EPB42: variants seen among roughly 807,000 people sequenced by gnomAD.
EPB42 encodes the protein erythrocyte membrane protein band 4.2.
Under a neutral mutation model 76.9 loss-of-function variants are expected in EPB42, and 49 were observed. That is an observed-to-expected ratio of 0.64 (90% CI 0.51 to 0.81). The LOEUF is 0.81. Among genes scored for constraint, EPB42 ranks in the 30% least tolerant of loss-of-function variants. The pLI, the probability that EPB42 is intolerant of heterozygous loss-of-function variation, is 0.00. For missense variants in EPB42, 731 were observed against 867.6 expected (o/e 0.84, Z 1.98); for synonymous variants, 310 against 338.4 (o/e 0.92, Z 0.92).
intron 12 of EPB42, 102 bp downstream of exon 12, chr15:43,201,742 G>T: frequency 6.5e-7 from 1 of 1,542,410 alleles, no homozygotes. Flanking sequence ...AGGGGTATCT[G>T]CTGTCTGCAT....
intron 1 of EPB42, among the ~76,000 whole-genome samples, chr15:43,219,272 T>TA (rs1430249003): frequency 6.6e-6 from 1 of 152,172 alleles, no homozygotes; most frequent in Non-Finnish European, 1.5e-5. Flanking sequence ...AACATAAAGG[T>TA]AAAAAGGAGT....
chr15:43,216,011 A>C (rs1298516439), intron 2 of EPB42, among the ~76,000 whole-genome samples: 1 of 152,216 alleles, frequency 6.6e-6, no homozygotes, highest in Non-Finnish European at 1.5e-5. Context: ...ATTTTCTACA[A>C]AGCTACTATT....
rs145043898 is a variant in EPB42 at position 43,203,199 on chromosome 15, G to A, written c.1695C>T (p.Thr565=). 14 of 1,613,942 alleles carry A rather than the reference G, an allele frequency of 8.7e-6. No individual in the cohort carries two copies. The highest frequency in any genetic ancestry group is 1.7e-5 in the Admixed American group (1 of 59,994). ...NPPENTFLRL[T]AMATHSESNL... is the part of the protein sequence containing the mutation. Reference sequence around the variant, plus strand: ...TGGATTCAGAGTGTGTTGCCATGGCGGTGAGTCTAAGGAAGGTGTTCTCGG... The same window carrying A: ...TGGATTCAGAGTGTGTTGCCATGGCAGTGAGTCTAAGGAAGGTGTTCTCGG... The change falls in exon 11 of 13, where the codon ACC becomes ACT. Residue 565 remains threonine, a synonymous_variant. Transcript: ENST00000441366.
At chr15:43,209,656 C>G (rs1435878134) in intron 5 of EPB42, 1 of 558,314 alleles carries the variant, frequency 1.8e-6, no homozygotes, top group Admixed American at 3.4e-5. Context: ...AGCCCAGGAC[C>G]CTCCTTCTTA....
chr15:43,210,836 C>T (rs557268446), intron 4 of EPB42, among the ~76,000 whole-genome samples: 14 of 152,310 alleles, frequency 9.2e-5, no homozygotes, highest in Non-Finnish European at 1.5e-4. Flanking sequence ...GAGGAGCCCA[C>T]GGTTTAGGAC....
intron 8 of EPB42, 151 bp from the exon 9 acceptor site, chr15:43,207,592 G>T: frequency 7.7e-7 from 1 of 1,304,828 alleles, no homozygotes; most frequent in Non-Finnish European, 1.1e-6. Context: ...TTCTGAGAGA[G>T]TCACAGAGGT....
At chr15:43,210,120 G>A (rs1010216933) in intron 5 of EPB42, among the ~76,000 whole-genome samples, 1 of 152,202 alleles carries the variant, frequency 6.6e-6, no homozygotes, top group Non-Finnish European at 1.5e-5. Flanking sequence ...TGCATCCTGA[G>A]GGATCACACA....
upstream of EPB42, among the ~76,000 whole-genome samples, chr15:43,221,418 T>C (rs2042459071): frequency 6.6e-6 from 1 of 152,204 alleles, no homozygotes. Flanking sequence ...AATTTGTTGG[T>C]GAAAAATAAA....
upstream of EPB42, among the ~76,000 whole-genome samples, chr15:43,225,446 G>A (rs1444889831): frequency 1.3e-5 from 2 of 152,184 alleles, no homozygotes; most frequent in African/African-American, 2.4e-5. Context: ...TTCTCCTTCT[G>A]GTTCTAGCAA....
At chr15:43,215,540 G>A (rs1292229354) in intron 2 of EPB42, among the ~76,000 whole-genome samples, 1 of 152,186 alleles carries the variant, frequency 6.6e-6, no homozygotes, top group Non-Finnish European at 1.5e-5. Context: ...TATAAAATGG[G>A]CATTGTAATA....
At chr15:43,216,700 CAGTA>C (rs1409225602) in intron 1 of EPB42, among the ~76,000 whole-genome samples, 1 of 152,206 alleles carries the variant, frequency 6.6e-6, no homozygotes, top group African/African-American at 2.4e-5. Flanking sequence ...GTCAGATACA[CAGTA>C]AGTCCCATTA....
At chr15:43,210,074 G>A (rs1212971577) in intron 5 of EPB42, among the ~76,000 whole-genome samples, 2 of 152,234 alleles carry the variant, frequency 1.3e-5, no homozygotes, top group Admixed American at 6.5e-5. Flanking sequence ...GGGACTGGGT[G>A]TGGGGAGGGA....
intron 1 of EPB42, 136 bp from the exon 2 acceptor site, chr15:43,216,589 A>G: frequency 1.1e-6 from 1 of 900,344 alleles, no homozygotes; most frequent in Non-Finnish European, 1.7e-6. Flanking sequence ...ATCCCAGGCA[A>G]GTAACTTAAC....
At chr15:43,216,787 G>C (rs2042385119) in intron 1 of EPB42, among the ~76,000 whole-genome samples, 1 of 152,068 alleles carries the variant, frequency 6.6e-6, no homozygotes, top group Non-Finnish European at 1.5e-5. Context: ...TCCTTTTTCT[G>C]GTCCCAATCC....
Position 43,206,778 on chromosome 15 carries a change from A to C in EPB42, c.1319-149T>G. 3.2e-6 allele frequency: 3 copies of C among 942,634 alleles called. No homozygotes were observed. The highest frequency in any genetic ancestry group is 4.9e-6 in the Non-Finnish European group (3 of 615,906). The allele number at this position is 942,634 out of a possible 1,614,324, so 58.4% of individuals were successfully genotyped here. ...AAGCCTCTAAGGCCATATTTAGCCC[A>C]AAAATGTCTGTGTCAGGCAGCTCCA... On this transcript the variant is annotated intron_variant, in intron 9 of 12. Transcript: ENST00000441366. The surrounding 1 kb of genome is among the most constrained non-coding windows in gnomAD (Gnocchi z 4.7).
chr15:43,207,370 A>C lies in EPB42; in HGVS notation c.1147T>G (p.Ser383Ala). Residue 383 changes from serine (S) to alanine (A), a missense_variant, in exon 9 of 13, where the codon TCA (serine) becomes GCA (alanine). Ser to Ala is a moderately conservative substitution (Grantham distance 99, BLOSUM62 1). Coordinates refer to ENST00000441366, the MANE Select transcript of EPB42 (RefSeq NM_001114134.2). ...GCATTTATGGCAGCAAAAAGGTCTG[A>C]CACTGCTGGGGTCAGCCCCAGCGTC... ...EGTLGLTPAV[S>A]DLFAAINASC... 6.2e-7 allele frequency: 1 copy of C among 1,614,202 alleles called. No individual in the cohort carries two copies.
intron 12 of EPB42, among the ~76,000 whole-genome samples, chr15:43,199,920 T>C (rs935061305): frequency 6.6e-6 from 1 of 152,228 alleles, no homozygotes. Context: ...CCTCCCGCCA[T>C]GATTCTGAGG....
chr15:43,206,227 C>A lies in EPB42; in HGVS notation c.1618+103G>T. 1 of 1,242,898 alleles carries A rather than the reference C, an allele frequency of 8.0e-7. No homozygotes were observed. Among genetic ancestry groups the A allele is most frequent in the Non-Finnish European group, 1.1e-6 (1 of 908,580 alleles). The allele number at this position is 1,242,898 out of a possible 1,614,324, so 77.0% of individuals were successfully genotyped here. On this transcript the variant is annotated intron_variant, in intron 10 of 12. Transcript: ENST00000441366. This position sits in a 1 kb window ranked among gnomAD's most constrained non-coding sequence, Gnocchi z 4.7. ...GTGAGCAGCAGGGGCTCAAAGCCATCTCTAGAGACTGCAGGGGGTGCCCTG... is the reference window on the plus strand; with the variant it reads ...GTGAGCAGCAGGGGCTCAAAGCCATATCTAGAGACTGCAGGGGGTGCCCTG...
chr15:43,215,987 C>T (rs1225360112), intron 2 of EPB42, among the ~76,000 whole-genome samples: 2 of 152,236 alleles, frequency 1.3e-5, no homozygotes, highest in African/African-American at 4.8e-5. Context: ...CCACCACACC[C>T]GGCCCCATCC....
Sources: allele counts gnomAD v4.1 joint callset (sites outside exome capture counted in the v4.1 genomes callset), GRCh38; gene constraint gnomAD v4.1.1; non-coding constraint Gnocchi (gnomAD v3.1); transcripts MANE v1.5; gene names NCBI Gene and HGNC (gene_info 2026-07-23, HGNC 2026-07-21).